XIRP2: variants seen among roughly 807,000 people sequenced by gnomAD.
The protein encoded by XIRP2 is xin actin-binding repeat-containing protein 2.
In XIRP2, 236 loss-of-function variants were observed where a neutral mutation model predicts 277.0. That is an observed-to-expected ratio of 0.85 (90% CI 0.77 to 0.95). The LOEUF (loss-of-function observed/expected upper bound fraction) is 0.95, where lower values mean the gene tolerates loss of function less well. XIRP2 is among the 40% of genes least tolerant of loss of function. The pLI is 0.00. For missense variants in XIRP2, 4,640 were observed against 4,157.5 expected, an observed-to-expected ratio of 1.12 and a Z score of -3.19; for synonymous variants, 1,490 against 1,416.5, an observed-to-expected ratio of 1.05 and a Z score of -1.17.
chr2:167,000,634 G>C (rs1333872581), intron 2 of XIRP2, among the ~76,000 whole-genome samples: 10 of 151,642 alleles, frequency 6.6e-5, no homozygotes, highest in Admixed American at 6.6e-4. Flanking sequence ...GAATTCATTA[G>C]GTTTGAAAAG....
intron 2 of XIRP2, among the ~76,000 whole-genome samples, chr2:166,994,386 G>A (rs1335233574): frequency 2.9e-4 from 35 of 120,368 alleles, no homozygotes; most frequent in African/African-American, 9.6e-4. Flanking sequence ...TAGATGACAC[G>A]TTAGTGGGTG....
In XIRP2 at chr2:167,246,750, A is replaced by G. The variant is rs746574444; in HGVS notation, c.5358A>G (p.Glu1786=). 6.2e-7 allele frequency: 1 copy of G among 1,613,836 alleles called. No homozygotes were observed. Among genetic ancestry groups the G allele is most frequent in the Non-Finnish European group, 8.5e-7 (1 of 1,179,826 alleles). The change falls in exon 9 of 11, where the codon GAA becomes GAG. Residue 1786 remains glutamate (E), a synonymous_variant. Transcript: ENST00000409195. ...GEKEIIGGDV[E]GTKLLLKKRQ... is the part of the protein sequence containing the mutation. ...AAGAAATCATTGGTGGTGATGTTGAAGGTACAAAACTGTTACTGAAGAAAA... is the reference window on the plus strand; with the variant it reads ...AAGAAATCATTGGTGGTGATGTTGAGGGTACAAAACTGTTACTGAAGAAAA...
Position 167,243,775 on chromosome 2 carries a change from A to C in XIRP2, c.2383A>C (p.Ile795Leu), listed in dbSNP as rs748892724. 4.3e-6 allele frequency: 7 copies of C among 1,614,008 alleles called. No individual in the cohort carries two copies. Among genetic ancestry groups the C allele is most frequent in the Non-Finnish European group, 5.9e-6 (7 of 1,179,936 alleles). ...DITEIKVVRG[I>L]SMEENVKGGV... Reference sequence around the variant, plus strand: ...CACAGAAATTAAAGTTGTCCGAGGAATATCCATGGAAGAAAATGTCAAAGG... The same window carrying C: ...CACAGAAATTAAAGTTGTCCGAGGACTATCCATGGAAGAAAATGTCAAAGG... The change falls in exon 9 of 11, where the codon ATA becomes CTA. Residue 795 changes from isoleucine to leucine, a missense_variant. Coordinates refer to ENST00000409195, the MANE Select transcript of XIRP2 (RefSeq NM_152381.6).
chr2:167,241,507 G>A (rs1321083741), intron 7 of XIRP2, among the ~76,000 whole-genome samples: 1 of 152,066 alleles, frequency 6.6e-6, no homozygotes, highest in African/African-American at 2.4e-5. Flanking sequence ...CCATATGCAT[G>A]CTTGTACCTT....
intron 3 of XIRP2, among the ~76,000 whole-genome samples, chr2:167,167,995 G>A (rs1453496347): frequency 6.6e-6 from 1 of 152,014 alleles, no homozygotes; most frequent in South Asian, 2.1e-4. Flanking sequence ...TGAAGGACAG[G>A]ATACATAATT....
intron 3 of XIRP2, among the ~76,000 whole-genome samples, chr2:167,158,070 A>T (rs1692253993): frequency 6.6e-6 from 1 of 152,220 alleles, no homozygotes; most frequent in Non-Finnish European, 1.5e-5. Flanking sequence ...TGCCATCAGA[A>T]CTTACATTTT....
At chr2:166,921,004 C>G (rs572849772) in intron 2 of XIRP2, among the ~76,000 whole-genome samples, 9 of 152,054 alleles carry the variant, frequency 5.9e-5, no homozygotes, top group Non-Finnish European at 1.3e-4. Context: ...TAACTTTATG[C>G]AAAATAATTT....
rs371829817 is a variant in XIRP2 at position 167,024,044 on chromosome 2, T to G, written c.409-111865T>G. On this transcript the variant is annotated intron_variant, in intron 2 of 10. Transcript: ENST00000409195. ...GGCATTGAATCTATAAATTACCTTGTGCAGTATGGCCATTTTCATGATATT... is the reference window on the plus strand; with the variant it reads ...GGCATTGAATCTATAAATTACCTTGGGCAGTATGGCCATTTTCATGATATT... 1.1e-3 allele frequency among the ~76,000 whole-genome samples: 161 copies of G among 152,166 alleles called. 2 individuals are homozygous for G. Among genetic ancestry groups the G allele is most frequent in the African/African-American group, 3.3e-3 (135 of 41,510 alleles).
intron 3 of XIRP2, among the ~76,000 whole-genome samples, chr2:167,172,509 A>T (rs909233935): frequency 3.3e-5 from 5 of 152,154 alleles, no homozygotes; most frequent in African/African-American, 7.2e-5. Context: ...GGCTTATTTC[A>T]TCCCTTATCC....
intron 2 of XIRP2, among the ~76,000 whole-genome samples, chr2:166,967,544 C>T (rs2105415662): frequency 6.6e-6 from 1 of 151,982 alleles, no homozygotes; most frequent in South Asian, 2.1e-4. Context: ...TTGGGCACTA[C>T]ATGATCAGAA....
intron 4 of XIRP2, among the ~76,000 whole-genome samples, chr2:167,213,511 G>A (rs1694119016): frequency 6.6e-6 from 1 of 152,158 alleles, no homozygotes. Context: ...GTTCAAATTA[G>A]CATATTATTA....
intron 2 of XIRP2, among the ~76,000 whole-genome samples, chr2:167,058,425 T>A (rs1689092382): frequency 6.6e-6 from 1 of 152,140 alleles, no homozygotes; most frequent in Admixed American, 6.6e-5. Flanking sequence ...AACAAAACTC[T>A]CCAAAACTTA....
chr2:167,241,878 A>C lies in XIRP2; in HGVS notation c.1144A>C (p.Lys382Gln). The change falls in exon 8 of 11, where the codon AAA (lysine) becomes CAA (glutamine). Residue 382 changes from lysine to glutamine, a missense_variant. Coordinates refer to ENST00000409195, the MANE Select transcript of XIRP2 (RefSeq NM_152381.6). ...SAQEKILYSD[K>Q]EMTTPAKQIK... ...CCAGGAAAAGATCCTTTATTCTGACAAAGAGATGACAACCCCAGCCAAGCA... is the reference window on the plus strand; with the variant it reads ...CCAGGAAAAGATCCTTTATTCTGACCAAGAGATGACAACCCCAGCCAAGCA... 6.2e-7 allele frequency: 1 copy of C among 1,613,480 alleles called. No homozygotes were observed. The highest frequency in any genetic ancestry group is 8.5e-7 in the Non-Finnish European group (1 of 1,179,676).
intron 2 of XIRP2, among the ~76,000 whole-genome samples, chr2:167,117,244 C>CCTAGT (rs1361098610): frequency 6.6e-6 from 1 of 151,956 alleles, no homozygotes; most frequent in Non-Finnish European, 1.5e-5. Flanking sequence ...TTCCTCATTC[C>CCTAGT]CTAGTATTGG....
chr2:167,227,188 T>A lies in XIRP2; in HGVS notation c.858+8888T>A, dbSNP rs192781915. Among the ~76,000 whole-genome samples the A allele has an allele frequency of 1.5e-3, 226 of 152,270 alleles. 2 individuals are homozygous for A. Among genetic ancestry groups the A allele is most frequent in the African/African-American group, 5.1e-3 (211 of 41,566 alleles). On this transcript the variant is annotated intron_variant, in intron 5 of 10. Coordinates refer to ENST00000409195, the MANE Select transcript of XIRP2 (RefSeq NM_152381.6). The stretch of plus-strand genomic sequence containing the variant: ...CACTCTGATAGCAGGGACCTTCTTC[T>A]TATGTTGACATTTCTCTTGAGATAA...
At chr2:167,217,974 T>C (rs549272734) in intron 4 of XIRP2, among the ~76,000 whole-genome samples, 192 bp from the exon 5 acceptor site, 4 of 152,184 alleles carry the variant, frequency 2.6e-5, no homozygotes, top group Admixed American at 6.5e-5. Context: ...AAAAGACTGA[T>C]AAATGAGAAA....
chr2:167,162,934 C>G (rs1402164757), intron 3 of XIRP2, among the ~76,000 whole-genome samples: 1 of 152,128 alleles, frequency 6.6e-6, no homozygotes, highest in East Asian at 1.9e-4. Flanking sequence ...TACTCTTTTG[C>G]TTTCTTCTCC....
chr2:167,062,400 TC>T (rs531185741), intron 2 of XIRP2, among the ~76,000 whole-genome samples: 202 of 152,324 alleles, frequency 1.3e-3, no homozygotes, highest in African/African-American at 4.2e-3. Flanking sequence ...TTTTATACTT[TC>T]CTCAGTTGAT....
rs1176029663 is a variant in XIRP2, at chr2:167,258,788, G to A, written c.*971G>A. 5 of 1,613,122 alleles carry A rather than the reference G, an allele frequency of 3.1e-6. No homozygotes were observed. The African/African-American group carries it at 4.0e-5, about 13-fold the overall frequency. On this transcript the variant is annotated 3_prime_UTR_variant, in exon 11 of 11. Transcript: ENST00000409195. ...AGCAAATGACACTGCAAATGAATAT[G>A]AAATTGAGAAGTTAGAAAATACATC...
Sources: allele counts gnomAD v4.1 joint callset (sites outside exome capture counted in the v4.1 genomes callset), GRCh38; gene constraint gnomAD v4.1.1; transcripts MANE v1.5; gene names NCBI Gene and HGNC (gene_info 2026-07-23, HGNC 2026-07-21).